TPGS1: variants seen among roughly 807,000 people sequenced by gnomAD.
TPGS1 encodes gene trap ROSA b-geo 22.
A neutral mutation model predicts 11.9 loss-of-function variants in TPGS1; 18 were observed. That is an observed-to-expected ratio of 1.51 (90% confidence interval 1.04 to 2.24). The LOEUF is 2.24. TPGS1 is among the 30% of genes most tolerant of loss of function. TPGS1 has a pLI of 0.00. For synonymous variants in TPGS1, 247 were observed against 218.2 expected (o/e 1.13, Z -1.16); for missense variants, 500 against 443.0 (o/e 1.13, Z -1.16).
At chr19:509,569 C>T (rs8106333) in intron 1 of TPGS1, 127,947 of 152,276 alleles carry the variant, frequency 0.84, 54,422 homozygotes, top group African/African-American at 0.96. Context: ...CCTCCCCAGC[C>T]TCCAGTGGCG....
Position 519,330 on chromosome 19 carries a change from C to CG in TPGS1, c.786dup (p.Arg263AlafsTer?), listed in dbSNP as rs1208121135. The CG allele has an allele frequency of 2.5e-6, 3 of 1,194,752 alleles. No homozygotes were observed. The highest frequency in any genetic ancestry group is 3.1e-6 in the Non-Finnish European group (3 of 964,058). 74.0% of individuals were successfully genotyped at this position (1,194,752 alleles called of 1,614,324 possible). On this transcript the variant is annotated frameshift_variant, in exon 2 of 2. Coordinates refer to ENST00000359315, the MANE Select transcript of TPGS1 (RefSeq NM_033513.3). LOFTEE classifies it high-confidence loss of function. ...TGGCGCTGGCGCTGGACCGCGCCGT[C>CG]GGGGGGCGGCGGCCCAGCGCGCCCA...
chr19:512,757 C>T (rs538242991), intron 1 of TPGS1, among the ~76,000 whole-genome samples: 1 of 152,378 alleles, frequency 6.6e-6, no homozygotes, highest in East Asian at 1.9e-4. Context: ...CGTCCCTTCC[C>T]CCTGCACAGC....
rs144301466 is a variant in TPGS1 at position 510,096 on chromosome 19, G to A, written c.338+2252G>A. On this transcript the variant is annotated intron_variant, in intron 1 of 1. Transcript: ENST00000359315. ...TCAGGAAGAGAAGCCCAGAGCAGCCGGGCGCGGTGGCTCACGCCTGTCATC... is the reference window on the plus strand; with the variant it reads ...TCAGGAAGAGAAGCCCAGAGCAGCCAGGCGCGGTGGCTCACGCCTGTCATC... The A allele has an allele frequency of 3.1e-3, 473 of 152,556 alleles. 4 individuals are homozygous for A. Among genetic ancestry groups the A allele is most frequent in the African/African-American group, 0.011 (440 of 41,578 alleles). The allele number at this position is 152,556 out of a possible 1,614,324, so 9.5% of individuals were successfully genotyped here. A position where few individuals can be genotyped will look rare whatever the true frequency, so the allele number is the denominator to read the frequency against.
At chr19:513,448 G>A (rs1978859101) in intron 1 of TPGS1, among the ~76,000 whole-genome samples, 1 of 152,086 alleles carries the variant, frequency 6.6e-6, no homozygotes, top group African/African-American at 2.4e-5. Flanking sequence ...CCTCGAGCTC[G>A]CTGAGATGGC....
rs1009654045 is a variant in TPGS1, at chr19:507,855, G to A, written c.338+11G>A. ...CCACCACTCCCAGAGGTGCGCAGTGGGCCGGCTTGGGCGGGTGGGGCAGCG... is the reference window on the plus strand; with the variant it reads ...CCACCACTCCCAGAGGTGCGCAGTGAGCCGGCTTGGGCGGGTGGGGCAGCG... On this transcript the variant is annotated intron_variant, in intron 1 of 1. Coordinates refer to ENST00000359315, the MANE Select transcript of TPGS1 (RefSeq NM_033513.3). The A allele has an allele frequency of 8.7e-5, 115 of 1,315,802 alleles. No individual in the cohort carries two copies. The highest frequency in any genetic ancestry group is 1.1e-4 in the Non-Finnish European group (114 of 1,032,392). 81.5% of individuals were successfully genotyped at this position (1,315,802 alleles called of 1,614,324 possible).
chr19:510,556 G>A (rs1001383057), intron 1 of TPGS1, among the ~76,000 whole-genome samples: 12 of 152,134 alleles, frequency 7.9e-5, no homozygotes, highest in Non-Finnish European at 1.3e-4. Flanking sequence ...AGCTCCGGCC[G>A]CCAGGGCTGG....
At chr19:515,337 G>C (rs959946583) in intron 1 of TPGS1, among the ~76,000 whole-genome samples, 4 of 150,738 alleles carry the variant, frequency 2.7e-5, no homozygotes, top group Non-Finnish European at 5.9e-5. Context: ...GGAGGTGGAG[G>C]CTGCTGTGAG....
At chr19:509,545 A>G (rs2145830656) in intron 1 of TPGS1, 1 of 152,448 alleles carries the variant, frequency 6.6e-6, no homozygotes, top group East Asian at 1.9e-4. Flanking sequence ...GCTCCAGGGA[A>G]GGAGCCTTCC....
Position 518,792 on chromosome 19 carries a change from G to C in TPGS1, c.339-97G>C. On this transcript the variant is annotated intron_variant, in intron 1 of 1. Coordinates refer to ENST00000359315, the MANE Select transcript of TPGS1 (RefSeq NM_033513.3). ...GAGGGGAGGCCAGGGCTGGCTGGGG[G>C]GTCGGGGAGGCTAGGGCATAGGCCT... 3 of 1,320,138 alleles carry C rather than the reference G, an allele frequency of 2.3e-6. No homozygotes were observed. In the South Asian group the frequency reaches 5.1e-5, roughly 22 times the overall value. The allele number at this position is 1,320,138 out of a possible 1,614,324, so 81.8% of individuals were successfully genotyped here.
chr19:509,294 G>A (rs528334167), intron 1 of TPGS1: 1 of 152,486 alleles, frequency 6.6e-6, no homozygotes, highest in African/African-American at 2.4e-5. Flanking sequence ...AATCTCCCAA[G>A]GAGGAAAAGG....
In TPGS1 at chr19:519,021, C is replaced by T. The variant is rs1434247291; in HGVS notation, c.471C>T (p.Pro157=). ...GCATCTGCCGGGACGGCCAAGCCCC[C>T]GAGGAGGTGGTGGCGCCGCTGCTGC... ...LRRICRDGQA[P]EEVVAPLLRK... Residue 157 remains proline, a synonymous_variant, in exon 2 of 2, where the codon CCC becomes CCT. Transcript: ENST00000359315. 1.9e-6 allele frequency: 3 copies of T among 1,561,608 alleles called. No homozygotes were observed. The highest frequency in any genetic ancestry group is 4.6e-5 in the East Asian group (2 of 43,106).
At chr19:512,469 C>T (rs1341828558) in intron 1 of TPGS1, among the ~76,000 whole-genome samples, 3 of 152,244 alleles carry the variant, frequency 2.0e-5, no homozygotes, top group Non-Finnish European at 4.4e-5. Context: ...CCACCCACCC[C>T]CCACCAAGGG....
At chr19:515,173 G>C (rs1193293721) in intron 1 of TPGS1, among the ~76,000 whole-genome samples, 1 of 152,310 alleles carries the variant, frequency 6.6e-6, no homozygotes, top group South Asian at 2.1e-4. Context: ...ATTTACAAAA[G>C]CAGGCAGCAG....
In TPGS1 at chr19:507,578, G is replaced by T. The variant is rs766494346; in HGVS notation, c.72G>T (p.Ser24=). 1 of 1,394,168 alleles carries T rather than the reference G, an allele frequency of 7.2e-7. No homozygotes were observed. The highest frequency in any genetic ancestry group is 2.9e-5 in the East Asian group (1 of 34,112). 86.4% of individuals were successfully genotyped at this position (1,394,168 alleles called of 1,614,324 possible). Residue 24 remains serine (S), a synonymous_variant, in exon 1 of 2, where the codon TCG becomes TCT. Coordinates refer to ENST00000359315, the MANE Select transcript of TPGS1 (RefSeq NM_033513.3). ...GTTTCACGGACAGCGGCCGCCAGTC[G>T]GTATCCCGGGCGGCGGGGGCGGCCG... ...PAGFTDSGRQ[S]VSRAAGAAES... is the part of the protein sequence containing the mutation.
At position 507,780 on chromosome 19, in the gene TPGS1, C is replaced by A; in HGVS notation, c.274C>A (p.Leu92Met). Residue 92 changes from leucine (L) to methionine (M), a missense_variant, in exon 1 of 2, where the codon CTG (leucine) becomes ATG (methionine). Coordinates refer to ENST00000359315, the MANE Select transcript of TPGS1 (RefSeq NM_033513.3). ...GGAGEPPGQL[L>M]LQQQRLGRAL... ...CGCCGGGGAGCCCCCGGGCCAGCTCCTGCTGCAGCAGCAGCGCCTGGGCCG... is the reference window on the plus strand; with the variant it reads ...CGCCGGGGAGCCCCCGGGCCAGCTCATGCTGCAGCAGCAGCGCCTGGGCCG... The A allele has an allele frequency of 7.2e-7, 1 of 1,391,984 alleles. No homozygotes were observed. The highest frequency in any genetic ancestry group is 9.3e-7 in the Non-Finnish European group (1 of 1,075,844). 86.2% of individuals were successfully genotyped at this position (1,391,984 alleles called of 1,614,324 possible).
chr19:512,747 C>T (rs571050038), intron 1 of TPGS1, among the ~76,000 whole-genome samples: 1 of 152,386 alleles, frequency 6.6e-6, no homozygotes, highest in East Asian at 1.9e-4. Context: ...GGCCTGGTGC[C>T]GTCCCTTCCC....
intron 1 of TPGS1, among the ~76,000 whole-genome samples, chr19:518,233 G>T (rs375957684): frequency 2.1e-5 from 2 of 95,154 alleles, no homozygotes; most frequent in Non-Finnish European, 4.3e-5. Flanking sequence ...GGGAGGCCCC[G>T]GCTGGGTAGG....
intron 1 of TPGS1, among the ~76,000 whole-genome samples, chr19:510,984 G>A (rs1248305554): frequency 6.6e-6 from 1 of 152,224 alleles, no homozygotes; most frequent in Admixed American, 6.5e-5. Context: ...GGGCAGGAGT[G>A]GGAAGCAGAA....
intron 1 of TPGS1, among the ~76,000 whole-genome samples, chr19:511,339 T>G (rs979493029): frequency 2.6e-5 from 4 of 152,252 alleles, no homozygotes; most frequent in African/African-American, 9.6e-5. Context: ...GCTGTCACCT[T>G]CCTGTCTCCT....
Sources: allele counts gnomAD v4.1 joint callset (sites outside exome capture counted in the v4.1 genomes callset), GRCh38; gene constraint gnomAD v4.1.1; transcripts MANE v1.5; gene names NCBI Gene and HGNC (gene_info 2026-07-23, HGNC 2026-07-21).